The following GPC5 variants were observed in gnomAD, a reference collection of about 807,000 sequenced individuals.
GPC5 encodes glypican 5.
A neutral mutation model predicts 53.9 loss-of-function variants in GPC5; 47 were observed. The observed-to-expected ratio is 0.87, with a 90% CI of 0.69 to 1.11. GPC5 has a LOEUF of 1.11. Ranked by LOEUF, GPC5 falls within the 50% of genes most tolerant of loss-of-function variation. The probability of loss-of-function intolerance (pLI) is 0.00; values close to 1 mark genes in which losing one functional copy is unlikely to be tolerated. For missense variants in GPC5, 748 were observed against 713.1 expected (o/e 1.05, Z -0.56); for synonymous variants, 286 against 263.3 (o/e 1.09, Z -0.84).
At chr13:91,739,694 G>C (rs1407506739) in intron 4 of GPC5, among the ~76,000 whole-genome samples, 1 of 151,374 alleles carries the variant, frequency 6.6e-6, no homozygotes, top group Non-Finnish European at 1.5e-5. Flanking sequence ...ACTTCCCTCA[G>C]AACAAGAAAT....
In GPC5 at chr13:92,796,783, A is replaced by T. The variant is rs187359703; in HGVS notation, c.1562-69499A>T. On this transcript the variant is annotated intron_variant, in intron 7 of 7. Coordinates refer to ENST00000377067, the MANE Select transcript of GPC5 (RefSeq NM_004466.6). Reference sequence around the variant, plus strand: ...AATTATTTGTATTTTTTTATTTTTAAACCCGATCTCCACTACAACGTATTT... The same window carrying T: ...AATTATTTGTATTTTTTTATTTTTATACCCGATCTCCACTACAACGTATTT... Among the ~76,000 whole-genome samples the T allele has an allele frequency of 1.3e-3, 202 of 151,978 alleles. 1 individual carries two copies. Among genetic ancestry groups the T allele is most frequent in the South Asian group, 3.7e-3 (18 of 4,818 alleles).
At chr13:92,572,211 G>T (rs568348371) in intron 7 of GPC5, among the ~76,000 whole-genome samples, 1 of 152,016 alleles carries the variant, frequency 6.6e-6, no homozygotes, top group East Asian at 1.9e-4. Flanking sequence ...TTTTCCTTCA[G>T]AATTAAATAT....
rs574950073 is a variant in GPC5, at chr13:92,713,426, A to C, written c.1562-152856A>C. Among the ~76,000 whole-genome samples the C allele has an allele frequency of 2.3e-3, 306 of 130,666 alleles. 1 individual carries two copies. The highest frequency in any genetic ancestry group is 3.7e-3 in the Admixed American group (47 of 12,838). 85.7% of individuals were successfully genotyped at this position (130,666 alleles called of 152,430 possible). On this transcript the variant is annotated intron_variant, in intron 7 of 7. Transcript: ENST00000377067. The stretch of plus-strand genomic sequence containing the variant: ...GCTAACACAGTGAAACTCCGGCTCT[A>C]CTAAAAAAAAAAAAAAAAAAATACA...
At chr13:91,788,971 T>C (rs2037921185) in intron 5 of GPC5, among the ~76,000 whole-genome samples, 1 of 152,178 alleles carries the variant, frequency 6.6e-6, no homozygotes, top group African/African-American at 2.4e-5. Flanking sequence ...CCCAGCACTT[T>C]GGGAGGCCAA....
At chr13:91,543,500 TCA>T (rs947626496) in intron 2 of GPC5, among the ~76,000 whole-genome samples, 14 of 151,044 alleles carry the variant, frequency 9.3e-5, no homozygotes, top group African/African-American at 3.4e-4. Flanking sequence ...CATATTTTTC[TCA>T]GTCTCTTAAT....
At chr13:92,763,311 C>T (rs550760612) in intron 7 of GPC5, among the ~76,000 whole-genome samples, 4 of 152,224 alleles carry the variant, frequency 2.6e-5, no homozygotes, top group African/African-American at 7.2e-5. Flanking sequence ...TTGGGAAGGC[C>T]ATGGTGGCTG....
At chr13:91,592,969 C>A (rs1323609057) in intron 2 of GPC5, among the ~76,000 whole-genome samples, 9 of 152,166 alleles carry the variant, frequency 5.9e-5, no homozygotes, top group Admixed American at 5.9e-4. Context: ...GCCAGGGGTG[C>A]CCCTGTCTAT....
At chr13:91,723,483 A>AC (rs1367651956) in intron 3 of GPC5, among the ~76,000 whole-genome samples, 8 of 151,190 alleles carry the variant, frequency 5.3e-5, no homozygotes, top group Admixed American at 5.3e-4. Flanking sequence ...CCTCCAAAAA[A>AC]AAAACAGGTA....
At chr13:92,792,904 A>T (rs1876516341) in intron 7 of GPC5, among the ~76,000 whole-genome samples, 1 of 152,166 alleles carries the variant, frequency 6.6e-6, no homozygotes, top group Admixed American at 6.6e-5. Flanking sequence ...AGAGACCTAC[A>T]AAGAGACTTA....
intron 7 of GPC5, among the ~76,000 whole-genome samples, chr13:92,222,586 C>T (rs2042457689): frequency 6.6e-6 from 1 of 152,074 alleles, no homozygotes; most frequent in Non-Finnish European, 1.5e-5. Context: ...TTTTTCTTGC[C>T]ATCCTTAAGA....
chr13:92,810,834 C>T (rs1877269545), intron 7 of GPC5, among the ~76,000 whole-genome samples: 2 of 151,910 alleles, frequency 1.3e-5, no homozygotes, highest in African/African-American at 4.9e-5. Flanking sequence ...GATTCTTCTG[C>T]CTCAGCCTCC....
intron 7 of GPC5, among the ~76,000 whole-genome samples, chr13:92,149,569 C>T (rs2041892557): frequency 6.6e-6 from 1 of 151,840 alleles, no homozygotes; most frequent in African/African-American, 2.4e-5. Context: ...TGTCAGCGTA[C>T]TAAGAATGAC....
chr13:91,710,669 G>A (rs1457090536), intron 3 of GPC5, among the ~76,000 whole-genome samples: 1 of 152,140 alleles, frequency 6.6e-6, no homozygotes, highest in African/African-American at 2.4e-5. Flanking sequence ...TGGGTTCTAA[G>A]GCAGCCCAAG....
chr13:92,281,255 C>T (rs375325931), intron 7 of GPC5, among the ~76,000 whole-genome samples: 1 of 152,192 alleles, frequency 6.6e-6, no homozygotes, highest in Admixed American at 6.5e-5. Context: ...CCAGGAAGCT[C>T]GAACTGGGTG....
chr13:92,159,069 G>A (rs922399466), intron 7 of GPC5, among the ~76,000 whole-genome samples: 1 of 152,136 alleles, frequency 6.6e-6, no homozygotes, highest in Non-Finnish European at 1.5e-5. Flanking sequence ...TACTGTGCTG[G>A]TGATTTGCCT....
chr13:92,234,996 G>A (rs7337572), intron 7 of GPC5, among the ~76,000 whole-genome samples: 200 of 152,200 alleles, frequency 1.3e-3, no homozygotes, highest in African/African-American at 4.6e-3. Flanking sequence ...AGCAAAGGCA[G>A]GGGTATATGA....
intron 6 of GPC5, chr13:91,995,241 G>A (rs1326569110): frequency 6.6e-6 from 1 of 152,056 alleles, no homozygotes; most frequent in African/African-American, 2.4e-5. Flanking sequence ...CAAAGTGCTG[G>A]GATTACAGGA....
Position 91,613,677 on chromosome 13 carries a change from TGAAAAA to T in GPC5, c.326-79509_326-79504del, listed in dbSNP as rs1435648051. On this transcript the variant is annotated intron_variant, in intron 2 of 7. Coordinates refer to ENST00000377067, the MANE Select transcript of GPC5 (RefSeq NM_004466.6). ...GAAGAAGAAGAAGTGGTTAGGAAAATGAAAAATCAACTTCGGTATATTGACCTGCAG... is the reference window on the plus strand; with the variant it reads ...GAAGAAGAAGAAGTGGTTAGGAAAATTCAACTTCGGTATATTGACCTGCAG... 2.0e-5 allele frequency among the ~76,000 whole-genome samples: 3 copies of T among 152,020 alleles called. No homozygotes were observed. The East Asian group carries it at 5.8e-4, about 29-fold the overall frequency.
intron 2 of GPC5, among the ~76,000 whole-genome samples, chr13:91,496,027 A>AAAATAAAAAATAAAAAAT (rs1315268347): frequency 1.4e-5 from 2 of 143,062 alleles, no homozygotes; most frequent in Non-Finnish European, 3.1e-5. Flanking sequence ...TGTCTCAAAA[A>AAAATAAAAAATAAAAAAT]AAATAAAAAA....
Sources: allele counts gnomAD v4.1 joint callset (sites outside exome capture counted in the v4.1 genomes callset), GRCh38; gene constraint gnomAD v4.1.1; transcripts MANE v1.5; gene names NCBI Gene and HGNC (gene_info 2026-07-23, HGNC 2026-07-21).